The following RBFOX1 variants were observed in gnomAD, a reference collection of about 807,000 sequenced individuals.
The protein encoded by RBFOX1 is RNA binding protein fox-1 homolog 1.
Under a neutral mutation model 57.7 loss-of-function variants are expected in RBFOX1, and 8 were observed. That is an observed-to-expected ratio of 0.14 (90% CI 0.08 to 0.25). The LOEUF (loss-of-function observed/expected upper bound fraction) is 0.25. Ranked by LOEUF, RBFOX1 falls within the 10% of genes least tolerant of loss-of-function variation. The pLI is 1.00. For missense variants in RBFOX1, 611 were observed against 548.5 expected (o/e 1.11, Z -1.14); for synonymous variants, 326 against 222.4 (o/e 1.47, Z -4.15).
chr16:5,329,670 C>G (rs974705785), intron 1 of RBFOX1, among the ~76,000 whole-genome samples: 2 of 152,174 alleles, frequency 1.3e-5, no homozygotes, highest in African/African-American at 4.8e-5. Flanking sequence ...AATAGAAATT[C>G]ATTTCTCAGT....
chr16:5,589,222 G>A (rs943674123), intron 2 of RBFOX1, among the ~76,000 whole-genome samples: 2 of 152,130 alleles, frequency 1.3e-5, no homozygotes, highest in African/African-American at 2.4e-5. Context: ...TTTGTGGGGC[G>A]GTGGTGGAGG....
chr16:7,229,403 C>G (rs568077297), intron 4 of RBFOX1, among the ~76,000 whole-genome samples: 4 of 151,994 alleles, frequency 2.6e-5, no homozygotes, highest in African/African-American at 9.7e-5. Context: ...AAAGGATAGA[C>G]AGAAAGGGCC....
At chr16:5,331,561 T>C (rs913404680) in intron 1 of RBFOX1, among the ~76,000 whole-genome samples, 2 of 152,230 alleles carry the variant, frequency 1.3e-5, no homozygotes, top group South Asian at 4.1e-4. Context: ...CTCAAACTCT[T>C]TGAGCCTTTG....
At chr16:5,801,520 T>C (rs1400382198) in intron 3 of RBFOX1, among the ~76,000 whole-genome samples, 4 of 152,304 alleles carry the variant, frequency 2.6e-5, no homozygotes, top group East Asian at 1.9e-4. Flanking sequence ...CAGAGACATA[T>C]GTGTCTCGAC....
At chr16:6,081,524 G>A (rs559798488) in intron 1 of RBFOX1, among the ~76,000 whole-genome samples, 1 of 152,278 alleles carries the variant, frequency 6.6e-6, no homozygotes, top group South Asian at 2.1e-4. Flanking sequence ...CAAGTGGTTT[G>A]TTGCTCTCTG....
intron 3 of RBFOX1, among the ~76,000 whole-genome samples, chr16:5,768,581 A>C (rs941763962): frequency 2.0e-5 from 3 of 152,132 alleles, no homozygotes; most frequent in African/African-American, 7.2e-5. Context: ...TTTGAAAGCT[A>C]CCAGGTGGTA....
At chr16:7,404,241 C>T (rs894611259) in intron 4 of RBFOX1, among the ~76,000 whole-genome samples, 3 of 151,784 alleles carry the variant, frequency 2.0e-5, no homozygotes, top group Admixed American at 6.6e-5. Context: ...TTAGTACAGA[C>T]GGGGTTTCAC....
At chr16:6,607,246 T>G (rs944605958) in intron 2 of RBFOX1, among the ~76,000 whole-genome samples, 1 of 152,178 alleles carries the variant, frequency 6.6e-6, no homozygotes, top group Non-Finnish European at 1.5e-5. Flanking sequence ...TGAACCATCT[T>G]GGAACAATTC....
At chr16:7,648,220 T>G (rs2064150576) in intron 11 of RBFOX1, among the ~76,000 whole-genome samples, 1 of 152,104 alleles carries the variant, frequency 6.6e-6, no homozygotes, top group South Asian at 2.1e-4. Context: ...AAAAATTATT[T>G]ATTTATTTAT....
At chr16:7,354,029 T>A (rs1363688885) in intron 4 of RBFOX1, among the ~76,000 whole-genome samples, 1 of 152,126 alleles carries the variant, frequency 6.6e-6, no homozygotes, top group East Asian at 1.9e-4. Flanking sequence ...TGGAGTGCAG[T>A]GGCATGATCT....
At chr16:6,302,321 C>T (rs535920177) in intron 1 of RBFOX1, among the ~76,000 whole-genome samples, 5 of 152,160 alleles carry the variant, frequency 3.3e-5, no homozygotes, top group African/African-American at 9.6e-5. Flanking sequence ...CTTTCTGCCT[C>T]GCTATTTTTC....
intron 1 of RBFOX1, among the ~76,000 whole-genome samples, chr16:6,295,660 A>G (rs954835155): frequency 6.6e-6 from 1 of 152,156 alleles, no homozygotes; most frequent in African/African-American, 2.4e-5. Flanking sequence ...ACACATGTCC[A>G]ATGACTGGAA....
At chr16:5,284,648 C>G (rs1421615533) in intron 1 of RBFOX1, among the ~76,000 whole-genome samples, 2 of 148,316 alleles carry the variant, frequency 1.3e-5, no homozygotes, top group South Asian at 2.1e-4. Flanking sequence ...CTCAAATGAT[C>G]TTCCTGCCTC....
chr16:5,945,982 G>A (rs980514671), intron 4 of RBFOX1, among the ~76,000 whole-genome samples: 4 of 152,176 alleles, frequency 2.6e-5, no homozygotes, highest in Non-Finnish European at 4.4e-5. Flanking sequence ...TAGTACCAGG[G>A]AATGGAACAT....
At position 5,661,109 on chromosome 16, in the gene RBFOX1, G is replaced by A. The variant is rs2049633233; in HGVS notation, c.318+62148G>A. Among the ~76,000 whole-genome samples, 2 of 152,256 alleles carry A rather than the reference G, an allele frequency of 1.3e-5. 1 individual carries two copies. The highest frequency in any genetic ancestry group is 4.1e-4 in the South Asian group (2 of 4,820). On this transcript the variant is annotated intron_variant, in intron 3 of 19. Coordinates refer to the RBFOX1 transcript ENST00000641259. ...TCCTCCTGAGATTGGGAAAAGAAAGGAAACTTAAAAGGCCTCCTGTCTTTC... is the reference window on the plus strand; with the variant it reads ...TCCTCCTGAGATTGGGAAAAGAAAGAAAACTTAAAAGGCCTCCTGTCTTTC...
chr16:5,290,133 T>A (rs892777800), intron 1 of RBFOX1, among the ~76,000 whole-genome samples: 9 of 152,340 alleles, frequency 5.9e-5, no homozygotes, highest in Admixed American at 2.0e-4. Flanking sequence ...AAAGGTCACA[T>A]AAGATTTCAT....
At chr16:7,209,475 G>C (rs2090682249) in intron 4 of RBFOX1, among the ~76,000 whole-genome samples, 1 of 151,956 alleles carries the variant, frequency 6.6e-6, no homozygotes, top group East Asian at 1.9e-4. Flanking sequence ...TAACCTCAAG[G>C]CCTTTGCACT....
At chr16:7,249,010 G>A (rs1174750695) in intron 4 of RBFOX1, among the ~76,000 whole-genome samples, 1 of 152,130 alleles carries the variant, frequency 6.6e-6, no homozygotes, top group Non-Finnish European at 1.5e-5. Context: ...GACTGAGAGT[G>A]GGAGCCAGGG....
chr16:6,853,651 C>T (rs930923403), intron 3 of RBFOX1, among the ~76,000 whole-genome samples: 2 of 152,182 alleles, frequency 1.3e-5, no homozygotes, highest in African/African-American at 2.4e-5. Flanking sequence ...AGTAAATGCT[C>T]TCAGCCTGTA....
Sources: allele counts gnomAD v4.1 joint callset (sites outside exome capture counted in the v4.1 genomes callset), GRCh38; gene constraint gnomAD v4.1.1; transcripts MANE v1.5; gene names NCBI Gene and HGNC (gene_info 2026-07-23, HGNC 2026-07-21).